The following FBXO31 variants were observed in gnomAD, a reference collection of about 807,000 sequenced individuals.
The protein encoded by FBXO31 is F-box protein 31, also known as F-box only protein 31.
Under a neutral mutation model 54.4 loss-of-function variants are expected in FBXO31, and 24 were observed. That is an observed-to-expected ratio of 0.44 (90% CI 0.32 to 0.62). The LOEUF (loss-of-function observed/expected upper bound fraction) is 0.62, where lower values mean the gene tolerates loss of function less well. FBXO31 is among the 20% of genes least tolerant of loss of function. The probability of loss-of-function intolerance (pLI) is 0.05; values close to 1 mark genes in which losing one functional copy is unlikely to be tolerated. For synonymous variants in FBXO31, 388 were observed against 335.6 expected, an observed-to-expected ratio of 1.16 and a Z score of -1.71; for missense variants, 665 against 787.1, an observed-to-expected ratio of 0.84 and a Z score of 1.86.
At chr16:87,350,941 A>C (rs892958879) in intron 2 of FBXO31, among the ~76,000 whole-genome samples, 15 of 152,210 alleles carry the variant, frequency 9.9e-5, no homozygotes, top group Non-Finnish European at 1.8e-4. Context: ...TGCATCTTGA[A>C]GCTCTGCGTG....
chr16:87,373,387 G>C (rs1447081554), intron 1 of FBXO31, among the ~76,000 whole-genome samples: 1 of 152,142 alleles, frequency 6.6e-6, no homozygotes, highest in Admixed American at 6.5e-5. Flanking sequence ...AGGAGGTGGA[G>C]CTTGCAGTGA....
intron 2 of FBXO31, among the ~76,000 whole-genome samples, chr16:87,348,216 T>C (rs1223135124): frequency 2.0e-5 from 3 of 152,152 alleles, no homozygotes; most frequent in African/African-American, 7.2e-5. Flanking sequence ...CCAACCTTCC[T>C]GCCTCTCCAC....
chr16:87,373,954 A>T (rs561700527), intron 1 of FBXO31, among the ~76,000 whole-genome samples: 15 of 152,336 alleles, frequency 9.8e-5, no homozygotes, highest in African/African-American at 2.6e-4. Flanking sequence ...ACCCACTGTA[A>T]ATATGAAGGC....
At position 87,383,564 on chromosome 16, in the gene FBXO31, G is replaced by A. The variant is rs765812281; in HGVS notation, c.181C>T (p.Pro61Ser). ...TCCAGCAGCGAGCAGCGCGGGGGCG[G>A]CGGCGAGGGGCCCGCGCACAAGCCG... ...GGGLCAGPSP[P>S]PPRCSLLELP... The change falls in exon 1 of 9, where the codon CCG (proline) becomes TCG (serine). Residue 61 changes from proline (P) to serine (S), a missense_variant. Physicochemically the swap from Pro to Ser is moderately conservative, Grantham distance 74. This residue lies in a region of FBXO31 where 195 missense variants were observed against 174.8 expected (regional missense o/e 1.12). Coordinates refer to ENST00000311635, the MANE Select transcript of FBXO31 (RefSeq NM_024735.5). The surrounding 1 kb of genome is among the most constrained non-coding windows in gnomAD (Gnocchi z 4.9). 13 of 1,525,816 alleles carry A rather than the reference G, an allele frequency of 8.5e-6. No homozygotes were observed. The highest frequency in any genetic ancestry group is 2.2e-5 in the Admixed American group (1 of 46,426). 94.5% of individuals were successfully genotyped at this position (1,525,816 alleles called of 1,614,324 possible). A position where few individuals can be genotyped will look rare whatever the true frequency, so the allele number is the denominator to read the frequency against.
chr16:87,386,788 C>T (rs1224151069), upstream of FBXO31, among the ~76,000 whole-genome samples: 1 of 152,142 alleles, frequency 6.6e-6, no homozygotes, highest in Non-Finnish European at 1.5e-5. Context: ...CTTATGATTG[C>T]AGGGTCATTA....
chr16:87,379,103 T>C (rs1394324382), intron 1 of FBXO31, among the ~76,000 whole-genome samples: 1 of 152,178 alleles, frequency 6.6e-6, no homozygotes, highest in Non-Finnish European at 1.5e-5. Context: ...CTCAGAGTTA[T>C]GAACCATCAC....
At chr16:87,372,926 G>C (rs1906663860) in intron 1 of FBXO31, among the ~76,000 whole-genome samples, 1 of 151,498 alleles carries the variant, frequency 6.6e-6, no homozygotes, top group African/African-American at 2.4e-5. Flanking sequence ...GTAGAGACGG[G>C]GTTTCACCAT....
Position 87,370,633 on chromosome 16 carries a change from G to A in FBXO31, c.341-10267C>T, listed in dbSNP as rs958067991. ...CCCTGGGCATGCAGGCAGGGAACCCGAGGGAGAGGGCCCTGTGAGACAGGC... is the reference window on the plus strand; with the variant it reads ...CCCTGGGCATGCAGGCAGGGAACCCAAGGGAGAGGGCCCTGTGAGACAGGC... On this transcript the variant is annotated intron_variant, in intron 1 of 8. Transcript: ENST00000311635. Among the ~76,000 whole-genome samples the A allele has an allele frequency of 4.6e-5, 7 of 152,284 alleles. No homozygotes were observed. The East Asian group carries it at 1.2e-3, about 25-fold the overall frequency.
chr16:87,333,850 C>G, intron 8 of FBXO31, 36 bp downstream of exon 8: 1 of 1,554,896 alleles, frequency 6.4e-7, no homozygotes, highest in Non-Finnish European at 8.7e-7. Flanking sequence ...CCCATGCTGT[C>G]CCACCTTCAG....
chr16:87,353,515 A>C (rs1010431900), intron 2 of FBXO31, among the ~76,000 whole-genome samples: 2 of 152,342 alleles, frequency 1.3e-5, no homozygotes, highest in African/African-American at 4.8e-5. Flanking sequence ...TGTCCTTCCG[A>C]GAAGACAGAG....
rs1159659445 is a variant in FBXO31, at chr16:87,346,869, G to A, written c.489+305C>T. ...AGGACCTGGCTGAGGGCGGGCTCCA[G>A]ACCCCGCCAACATGTGCGCGATGGG... On this transcript the variant is annotated intron_variant, in intron 3 of 8. Coordinates refer to ENST00000311635, the MANE Select transcript of FBXO31 (RefSeq NM_024735.5). This position sits in a 1 kb window ranked among gnomAD's most constrained non-coding sequence, Gnocchi z 4.2. Among the ~76,000 whole-genome samples, 1 of 152,192 alleles carries A rather than the reference G, an allele frequency of 6.6e-6. No individual in the cohort carries two copies. The highest frequency in any genetic ancestry group is 2.4e-5 in the African/African-American group (1 of 41,444).
chr16:87,386,190 T>G (rs1299438406), upstream of FBXO31: 1 of 151,884 alleles, frequency 6.6e-6, no homozygotes, highest in East Asian at 1.9e-4. Context: ...CAGTCCAGGG[T>G]GTGGTCTGAG....
In FBXO31 at chr16:87,374,890, T is replaced by C. The variant is rs149507419; in HGVS notation, c.340+8515A>G. 6.7e-3 allele frequency among the ~76,000 whole-genome samples: 1,021 copies of C among 152,316 alleles called. 9 individuals carry two copies. Among genetic ancestry groups the C allele is most frequent in the South Asian group, 0.028 (133 of 4,830 alleles). ...CAGACTTCATGAAGTAGCTCATAAA[T>C]GAACAGTGCCGACTGGGCGTAATGG... On this transcript the variant is annotated intron_variant, in intron 1 of 8. Coordinates refer to ENST00000311635, the MANE Select transcript of FBXO31 (RefSeq NM_024735.5).
chr16:87,388,326 G>A (rs145271894), upstream of FBXO31, among the ~76,000 whole-genome samples: 43 of 152,340 alleles, frequency 2.8e-4, no homozygotes, highest in African/African-American at 9.9e-4. Flanking sequence ...TCTATTCAGT[G>A]TCAACCCCTA....
At chr16:87,354,468 C>CAA (rs370591404) in intron 2 of FBXO31, among the ~76,000 whole-genome samples, 33 of 141,930 alleles carry the variant, frequency 2.3e-4, no homozygotes, top group East Asian at 8.0e-4. Context: ...GATCCTGTCT[C>CAA]AAAAAAAAAA....
intron 1 of FBXO31, among the ~76,000 whole-genome samples, 181 bp from the exon 2 acceptor site, chr16:87,360,547 C>T (rs1247923659): frequency 6.6e-6 from 1 of 152,156 alleles, no homozygotes; most frequent in Admixed American, 6.5e-5. Flanking sequence ...CCTTGTTCAC[C>T]GATGAAGACA....
rs1169942159 is a variant in FBXO31, at chr16:87,338,399, C to A, written c.733-2135G>T. On this transcript the variant is annotated intron_variant, in intron 5 of 8. Coordinates refer to ENST00000311635, the MANE Select transcript of FBXO31 (RefSeq NM_024735.5). This position sits in a 1 kb window ranked among gnomAD's most constrained non-coding sequence, Gnocchi z 4.3. Reference sequence around the variant, plus strand: ...GCCTGCTGGCTGCTTGAAACAGGAGCATGGCCCATCCTCCCTTCTCTGCTC... The same window carrying A: ...GCCTGCTGGCTGCTTGAAACAGGAGAATGGCCCATCCTCCCTTCTCTGCTC... Among the ~76,000 whole-genome samples, 3 of 149,362 alleles carry A rather than the reference C, an allele frequency of 2.0e-5. No homozygotes were observed. Among genetic ancestry groups the A allele is most frequent in the African/African-American group, 7.4e-5 (3 of 40,326 alleles).
chr16:87,331,262 G>C lies in FBXO31; in HGVS notation c.*26C>G. On this transcript the variant is annotated 3_prime_UTR_variant, in exon 9 of 9. Transcript: ENST00000311635. ...GAGTTCAGAGCCCCAGAGCCACCCGGGATGTGGCGGCAAGGATGTGGCCGG... is the reference window on the plus strand; with the variant it reads ...GAGTTCAGAGCCCCAGAGCCACCCGCGATGTGGCGGCAAGGATGTGGCCGG... 6.2e-7 allele frequency: 1 copy of C among 1,602,004 alleles called. No homozygotes were observed. Among genetic ancestry groups the C allele is most frequent in the Non-Finnish European group, 8.5e-7 (1 of 1,169,608 alleles).
Position 87,327,550 on chromosome 16 carries a change from G to C in FBXO31, c.*3738C>G, listed in dbSNP as rs1163532417. 6.6e-6 allele frequency: 1 copy of C among 152,340 alleles called. No homozygotes were observed. Among genetic ancestry groups the C allele is most frequent in the African/African-American group, 2.4e-5 (1 of 41,458 alleles). 9.4% of individuals were successfully genotyped at this position (152,340 alleles called of 1,614,324 possible). A position where few individuals can be genotyped will look rare whatever the true frequency, so the allele number is the denominator to read the frequency against. On this transcript the variant is annotated 3_prime_UTR_variant, in exon 9 of 9. Coordinates refer to ENST00000311635, the MANE Select transcript of FBXO31 (RefSeq NM_024735.5). The stretch of plus-strand genomic sequence containing the variant: ...GGGTGCCTGTGGTCCCAGCTACTTG[G>C]GAGGCTAAGGCGGGCAGACAGCTTG...
Sources: allele counts gnomAD v4.1 joint callset (sites outside exome capture counted in the v4.1 genomes callset), GRCh38; gene constraint gnomAD v4.1.1; regional missense constraint gnomAD v4.1.1; non-coding constraint Gnocchi (gnomAD v3.1); transcripts MANE v1.5; gene names NCBI Gene and HGNC (gene_info 2026-07-23, HGNC 2026-07-21).